BAG2: variants seen among roughly 807,000 people sequenced by gnomAD.
The protein encoded by BAG2 is BAG cochaperone 2.
Under a neutral mutation model 16.4 loss-of-function variants are expected in BAG2, and 8 were observed. That is an observed-to-expected ratio of 0.49 (90% CI 0.29 to 0.88). The LOEUF is 0.88. Among genes scored for constraint, BAG2 ranks in the 40% least tolerant of loss-of-function variants. The pLI, the probability that BAG2 is intolerant of heterozygous loss-of-function variation, is 0.09. For synonymous variants in BAG2, 82 were observed against 89.2 expected, an observed-to-expected ratio of 0.92 and a Z score of 0.46; for missense variants, 218 against 248.9, an observed-to-expected ratio of 0.88 and a Z score of 0.84.
At chr6:57,174,386 C>T in intron 1 of BAG2, 1 of 1,304,166 alleles carries the variant, frequency 7.7e-7, no homozygotes, top group Non-Finnish European at 1.0e-6. Context: ...GAATTAATGC[C>T]TCACATGTGG....
At position 57,172,554 on chromosome 6, in the gene BAG2, A is replaced by G; in HGVS notation, c.-144A>G. On this transcript the variant is annotated 5_prime_UTR_variant, in exon 1 of 3. Transcript: ENST00000370693. ...CTACGCTGCAGCCGCGGTGTCGGCG[A>G]GTCCTCCCGGGTTGCCCCCGCGGGC... 1 of 585,102 alleles carries G rather than the reference A, an allele frequency of 1.7e-6. No individual in the cohort carries two copies. Among genetic ancestry groups the G allele is most frequent in the Non-Finnish European group, 2.7e-6 (1 of 366,672 alleles). 36.2% of individuals were successfully genotyped at this position (585,102 alleles called of 1,614,324 possible).
At chr6:57,173,653 T>A (rs1336428748) in intron 1 of BAG2, 3 of 413,070 alleles carry the variant, frequency 7.3e-6, no homozygotes, top group African/African-American at 6.5e-5. Context: ...TGAAAAGTTT[T>A]ATCTACTTCC....
Position 57,182,137 on chromosome 6 carries a change from T to C in BAG2, c.219T>C (p.Ser73=). The change falls in exon 2 of 3, where the codon AGT becomes AGC. Residue 73 remains serine (S), a synonymous_variant. Transcript: ENST00000370693. ...IQNSQDMRQI[S]DGEREELNLT... ...ATAGCCAGGACATGAGGCAGATCAG[T>C]GACGGTGAGAGCCATCTCCACAGAA... The C allele has an allele frequency of 6.2e-7, 1 of 1,613,594 alleles. No homozygotes were observed. Among genetic ancestry groups the C allele is most frequent in the Non-Finnish European group, 8.5e-7 (1 of 1,179,622 alleles).
chr6:57,174,602 C>T (rs1764226218), intron 1 of BAG2, among the ~76,000 whole-genome samples: 1 of 151,986 alleles, frequency 6.6e-6, no homozygotes, highest in South Asian at 2.1e-4. Context: ...TTTAGTAATT[C>T]TGGACTTTTG....
At chr6:57,181,063 T>C (rs921852366) in intron 1 of BAG2, among the ~76,000 whole-genome samples, 3 of 152,128 alleles carry the variant, frequency 2.0e-5, no homozygotes, top group Non-Finnish European at 4.4e-5. Flanking sequence ...TGGCAGCAAA[T>C]AGAAAGTTGG....
In BAG2 at chr6:57,187,162, A is replaced by G. The variant is rs962494122; in HGVS notation, c.*2972A>G. 3 of 152,216 alleles carry G rather than the reference A, an allele frequency of 2.0e-5. No homozygotes were observed. The highest frequency in any genetic ancestry group is 7.2e-5 in the African/African-American group (3 of 41,460). The allele number at this position is 152,216 out of a possible 1,614,324, so 9.4% of individuals were successfully genotyped here. A position where few individuals can be genotyped will look rare whatever the true frequency, so the allele number is the denominator to read the frequency against. On this transcript the variant is annotated 3_prime_UTR_variant, in exon 3 of 3. Transcript: ENST00000370693. ...AGCATTATTTATTAGTAATAAAAAT[A>G]TAGAAGGAATTCAGTTTTCCTTTTA... is the stretch of plus-strand genomic sequence containing the variant.
chr6:57,175,813 A>G (rs1017207216), intron 1 of BAG2, among the ~76,000 whole-genome samples: 2 of 152,184 alleles, frequency 1.3e-5, no homozygotes, highest in South Asian at 4.1e-4. Context: ...ACCCTTTATA[A>G]TAAATCCGTA....
At chr6:57,180,768 CAAA>C (rs201906351) in intron 1 of BAG2, among the ~76,000 whole-genome samples, 2 of 100,630 alleles carry the variant, frequency 2.0e-5, no homozygotes, top group Non-Finnish European at 2.2e-5. Context: ...CGCCATAAGG[CAAA>C]AAAAAAAAAA....
intron 1 of BAG2, among the ~76,000 whole-genome samples, chr6:57,177,818 G>T (rs769121811): frequency 6.6e-6 from 1 of 152,158 alleles, no homozygotes; most frequent in Non-Finnish European, 1.5e-5. Flanking sequence ...CACAGTTTGC[G>T]CAAAATTGCT....
intron 1 of BAG2, chr6:57,173,309 C>T (rs573396718): frequency 8.5e-5 from 84 of 985,308 alleles, no homozygotes; most frequent in Non-Finnish European, 9.9e-5. Flanking sequence ...ATGAATAAAA[C>T]AAAACCAACC....
At position 57,182,027 on chromosome 6, in the gene BAG2, T is replaced by A; in HGVS notation, c.114-5T>A. Reference sequence around the variant, plus strand: ...ATAACCGTTTTGTTTTCCCAATTTCTATAGGGTTGAAGCTTTGAGAGAAGC... The same window carrying A: ...ATAACCGTTTTGTTTTCCCAATTTCAATAGGGTTGAAGCTTTGAGAGAAGC... On this transcript the variant is annotated splice_region_variant and splice_polypyrimidine_tract_variant and intron_variant, in intron 1 of 2. Coordinates refer to ENST00000370693, the MANE Select transcript of BAG2 (RefSeq NM_004282.4). 1 of 1,612,962 alleles carries A rather than the reference T, an allele frequency of 6.2e-7. No homozygotes were observed. Among genetic ancestry groups the A allele is most frequent in the Non-Finnish European group, 8.5e-7 (1 of 1,179,370 alleles).
chr6:57,183,873 C>T lies in BAG2; in HGVS notation c.319C>T (p.Gln107Ter), dbSNP rs1292502126. The T allele has an allele frequency of 6.2e-7, 1 of 1,613,936 alleles. No homozygotes were observed. Among genetic ancestry groups the T allele is most frequent in the Admixed American group, 1.7e-5 (1 of 59,992 alleles). ...SVETIRNPQQ[Q>*]ESLKHATRII... ...AGAAACAATTAGAAACCCCCAGCAG[C>T]AAGAATCCCTAAAGCATGCCACAAG... Residue 107 changes from glutamine (Q) to a stop codon, truncating the protein, a stop_gained, in exon 3 of 3, where the codon CAA becomes TAA. Transcript: ENST00000370693. LOFTEE classifies it high-confidence loss of function.
At chr6:57,182,192 G>GT in intron 2 of BAG2, 51 bp downstream of exon 2, 1 of 1,525,072 alleles carries the variant, frequency 6.6e-7, no homozygotes, top group East Asian at 2.3e-5. Context: ...CCTTTAAAGA[G>GT]TTTATGATAA....
At chr6:57,175,334 G>A (rs1310716883) in intron 1 of BAG2, among the ~76,000 whole-genome samples, 2 of 152,078 alleles carry the variant, frequency 1.3e-5, no homozygotes, top group Non-Finnish European at 2.9e-5. Flanking sequence ...ACAGTCTTAT[G>A]TTATAGTTCC....
chr6:57,175,532 C>A (rs1463574267), intron 1 of BAG2, among the ~76,000 whole-genome samples: 2 of 152,228 alleles, frequency 1.3e-5, no homozygotes. Flanking sequence ...GCATTTAGCA[C>A]CCAGAGGCCA....
At chr6:57,173,289 C>G (rs1418433491) in intron 1 of BAG2, 1 of 985,454 alleles carries the variant, frequency 1.0e-6, no homozygotes, top group Non-Finnish European at 1.2e-6. Flanking sequence ...TTCCTTGCTT[C>G]AGAACAAAAA....
At chr6:57,181,004 T>C (rs1343090937) in intron 1 of BAG2, among the ~76,000 whole-genome samples, 1 of 152,212 alleles carries the variant, frequency 6.6e-6, no homozygotes, top group Non-Finnish European at 1.5e-5. Flanking sequence ...TCTGAAATTA[T>C]TAGGAAAACA....
At chr6:57,174,318 T>C in intron 1 of BAG2, 1 of 1,303,932 alleles carries the variant, frequency 7.7e-7, no homozygotes, top group Non-Finnish European at 1.0e-6. Flanking sequence ...CCTAAAGGAA[T>C]GGGGAGGTTG....
rs1261886648 is a variant in BAG2 at position 57,188,358 on chromosome 6, T to C, written c.*4168T>C. ...GTAACAAAGCTCTCTCTTCAGTTCT[T>C]ATTTAAAAAAAGATAAAACTAGGTA... On this transcript the variant is annotated 3_prime_UTR_variant, in exon 3 of 3. Coordinates refer to ENST00000370693, the MANE Select transcript of BAG2 (RefSeq NM_004282.4). 1.3e-5 allele frequency: 2 copies of C among 152,164 alleles called. No individual in the cohort carries two copies. The highest frequency in any genetic ancestry group is 4.8e-5 in the African/African-American group (2 of 41,458). The allele number at this position is 152,164 out of a possible 1,614,324, so 9.4% of individuals were successfully genotyped here. A position where few individuals can be genotyped will look rare whatever the true frequency, so the allele number is the denominator to read the frequency against.
Sources: gnomAD v4.1 joint callset for allele counts (sites outside exome capture counted in the v4.1 genomes callset) on GRCh38, gnomAD v4.1.1 for gene constraint, MANE v1.5 for transcripts, NCBI Gene and HGNC (gene_info 2026-07-23, HGNC 2026-07-21) for gene names.